Variants in DLC1 observed in about 807,000 individuals in gnomAD.
The protein encoded by DLC1 is DLC1 Rho GTPase activating protein.
A neutral mutation model predicts 140.3 loss-of-function variants in DLC1; 54 were observed. The ratio of observed to expected loss-of-function variants is 0.38; its 90% confidence interval spans 0.31 to 0.48. The LOEUF is 0.48. Ranked by LOEUF, DLC1 falls within the 20% of genes least tolerant of loss-of-function variation. The pLI, the probability that DLC1 is intolerant of heterozygous loss-of-function variation, is 0.96. For missense variants in DLC1, 2,536 were observed against 1,907.0 expected (o/e 1.33, Z -6.14); for synonymous variants, 986 against 728.1 (o/e 1.35, Z -5.70).
chr8:13,308,946 A>G (rs1156932676), intron 4 of DLC1, among the ~76,000 whole-genome samples: 1 of 152,160 alleles, frequency 6.6e-6, no homozygotes, highest in East Asian at 1.9e-4. Context: ...CAGAAATAAC[A>G]TTTCACACAA....
At position 13,088,480 on chromosome 8, in the gene DLC1, C is replaced by G; in HGVS notation, c.4292+7G>C. Reference sequence around the variant, plus strand: ...TTGTCACAAAAAAACAACTGGGAAGCGCTCACCTTAAAACAACGTAGTCTC... The same window carrying G: ...TTGTCACAAAAAAACAACTGGGAAGGGCTCACCTTAAAACAACGTAGTCTC... On this transcript the variant is annotated splice_region_variant and intron_variant, in intron 16 of 17. Coordinates refer to ENST00000276297, the MANE Select transcript of DLC1 (RefSeq NM_182643.3). 2 of 1,614,036 alleles carry G rather than the reference C, an allele frequency of 1.2e-6. No individual in the cohort carries two copies. The highest frequency in any genetic ancestry group is 1.7e-6 in the Non-Finnish European group (2 of 1,179,934).
chr8:13,545,070 C>T (rs747869597), intron 1 of DLC1, among the ~76,000 whole-genome samples: 145 of 151,974 alleles, frequency 9.5e-4, no homozygotes, highest in Non-Finnish European at 1.8e-3. Context: ...AGAACATAGG[C>T]ACATAGTAGG....
intron 2 of DLC1, among the ~76,000 whole-genome samples, chr8:13,420,767 G>T (rs532115905): frequency 1.3e-5 from 2 of 152,116 alleles, no homozygotes; most frequent in East Asian, 3.9e-4. Context: ...AGTATTCTGT[G>T]GTGTATATGT....
At chr8:13,597,053 A>C (rs551232470) in intron 1 of DLC1, among the ~76,000 whole-genome samples, 9 of 152,026 alleles carry the variant, frequency 5.9e-5, no homozygotes, top group African/African-American at 2.2e-4. Context: ...ATAATGCAGC[A>C]AGGACAAGTA....
chr8:13,413,495 C>T (rs551792325), intron 2 of DLC1, among the ~76,000 whole-genome samples: 204 of 107,582 alleles, frequency 1.9e-3, no homozygotes, highest in African/African-American at 5.7e-3. Flanking sequence ...TGTGTGTGTG[C>T]ACACATATAT....
chr8:13,088,857 G>A (rs981147174), intron 15 of DLC1, 153 bp from the exon 16 acceptor site: 3 of 602,882 alleles, frequency 5.0e-6, no homozygotes, highest in Non-Finnish European at 8.4e-6. Context: ...AGTATATAAA[G>A]AAATATTGGG....
intron 2 of DLC1, among the ~76,000 whole-genome samples, chr8:13,460,504 A>G (rs1479562006): frequency 6.6e-6 from 1 of 152,244 alleles, no homozygotes; most frequent in Non-Finnish European, 1.5e-5. Context: ...ATCCTGGAAT[A>G]TCTCCTAGGG....
chr8:13,151,866 A>G (rs943022538), intron 5 of DLC1, among the ~76,000 whole-genome samples: 2 of 152,040 alleles, frequency 1.3e-5, no homozygotes, highest in Non-Finnish European at 2.9e-5. Context: ...GGTAAAAGTT[A>G]TTTTTTTTAA....
chr8:13,196,594 A>G (rs1398248640), intron 5 of DLC1, among the ~76,000 whole-genome samples: 1 of 152,178 alleles, frequency 6.6e-6, no homozygotes, highest in Non-Finnish European at 1.5e-5. Context: ...AATTTTTCAC[A>G]GATACTCCTT....
At position 13,100,285 on chromosome 8, in the gene DLC1, G is replaced by C; in HGVS notation, c.2052C>G (p.His684Gln). The C allele has an allele frequency of 1.2e-6, 2 of 1,614,148 alleles. No individual in the cohort carries two copies. Among genetic ancestry groups the C allele is most frequent in the African/African-American group, 1.3e-5 (1 of 75,054 alleles). ...TCAACCCCAGCTTTGAGGGCGCTTT[G>C]TGCTTGCTGTGATGGGAGCTCTTGA... ...LKLKSSHHSK[H>Q]KAPSKLGLII... Residue 684 changes from histidine to glutamine, a missense_variant, in exon 9 of 18, where the codon CAC becomes CAG. His to Gln is a conservative substitution (Grantham distance 24). Coordinates refer to ENST00000276297, the MANE Select transcript of DLC1 (RefSeq NM_182643.3).
chr8:13,218,879 A>C (rs1299935332), intron 5 of DLC1, among the ~76,000 whole-genome samples: 1 of 31,078 alleles, frequency 3.2e-5, no homozygotes, highest in African/African-American at 2.0e-4. Context: ...TAATTATATA[A>C]TTATATATGA....
Position 13,312,035 on chromosome 8 carries a change from A to G in DLC1, c.1315-6733T>C, listed in dbSNP as rs1586114812. On this transcript the variant is annotated intron_variant, in intron 4 of 17. Coordinates refer to ENST00000276297, the MANE Select transcript of DLC1 (RefSeq NM_182643.3). ...TTCATTTGGAAATATGGTCTAAAAT[A>G]AATTCTAATCATTATTCTAAGTTTT... 5.3e-5 allele frequency among the ~76,000 whole-genome samples: 8 copies of G among 152,320 alleles called. No individual in the cohort carries two copies. In the South Asian group the frequency reaches 1.0e-3, roughly 20 times the overall value.
At chr8:13,468,689 C>A (rs1034027554) in intron 2 of DLC1, among the ~76,000 whole-genome samples, 3 of 150,424 alleles carry the variant, frequency 2.0e-5, no homozygotes, top group African/African-American at 7.3e-5. Flanking sequence ...CTTTTTATTT[C>A]TAATATTATT....
At chr8:13,197,849 A>T (rs566912326) in intron 5 of DLC1, among the ~76,000 whole-genome samples, 1 of 152,090 alleles carries the variant, frequency 6.6e-6, no homozygotes, top group Non-Finnish European at 1.5e-5. Context: ...AATACACCCT[A>T]TTGGAGAGGT....
intron 1 of DLC1, among the ~76,000 whole-genome samples, chr8:13,562,908 A>C (rs1427789747): frequency 6.9e-6 from 1 of 143,930 alleles, no homozygotes; most frequent in East Asian, 2.5e-4. Context: ...TTTAAGAAAA[A>C]AACAAAAAAA....
At chr8:13,459,072 T>C (rs1013492238) in intron 2 of DLC1, among the ~76,000 whole-genome samples, 3 of 152,248 alleles carry the variant, frequency 2.0e-5, no homozygotes, top group Admixed American at 6.5e-5. Flanking sequence ...TAATGAAATA[T>C]GATTTTTAAA....
intron 10 of DLC1, among the ~76,000 whole-genome samples, chr8:13,097,539 C>T (rs1057401430): frequency 2.0e-5 from 3 of 152,090 alleles, no homozygotes; most frequent in Non-Finnish European, 4.4e-5. Context: ...GCTGGGATTA[C>T]AGGCATGAGC....
intron 5 of DLC1, among the ~76,000 whole-genome samples, chr8:13,187,995 A>G (rs1826485860): frequency 6.6e-6 from 1 of 152,074 alleles, no homozygotes; most frequent in Admixed American, 6.6e-5. Context: ...AAGTACTTGT[A>G]AAAATAGAAT....
Position 13,245,635 on chromosome 8 carries a change from C to T in DLC1, c.1348+59634G>A, listed in dbSNP as rs576970412. On this transcript the variant is annotated intron_variant, in intron 5 of 17. Coordinates refer to ENST00000276297, the MANE Select transcript of DLC1 (RefSeq NM_182643.3). Reference sequence around the variant, plus strand: ...AAATCCACGTTAAGATACTGTACCACTCCCATCATCAGAAATTGTTTAGAT... The same window carrying T: ...AAATCCACGTTAAGATACTGTACCATTCCCATCATCAGAAATTGTTTAGAT... Among the ~76,000 whole-genome samples the T allele has an allele frequency of 3.5e-3, 539 of 152,280 alleles. 3 individuals carry two copies. The highest frequency in any genetic ancestry group is 0.012 in the African/African-American group (512 of 41,556).
Sources: allele counts gnomAD v4.1 joint callset (sites outside exome capture counted in the v4.1 genomes callset), GRCh38; gene constraint gnomAD v4.1.1; transcripts MANE v1.5; gene names NCBI Gene and HGNC (gene_info 2026-07-23, HGNC 2026-07-21).